PPARGC1A: variants seen among roughly 807,000 people sequenced by gnomAD.
The protein encoded by PPARGC1A is PPARG coactivator 1 alpha.
In PPARGC1A, 25 loss-of-function variants were observed where a neutral mutation model predicts 88.7. The ratio of observed to expected loss-of-function variants is 0.28; its 90% confidence interval spans 0.21 to 0.39. The LOEUF is 0.39. PPARGC1A is among the 10% of genes least tolerant of loss of function. PPARGC1A has a pLI of 1.00. For synonymous variants in PPARGC1A, 363 were observed against 355.6 expected, an observed-to-expected ratio of 1.02 and a Z score of -0.24; for missense variants, 880 against 968.7, an observed-to-expected ratio of 0.91 and a Z score of 1.22.
chr4:24,198,639 T>C, the PPARGC1A span, among the ~76,000 whole-genome samples: 1 of 152,324 alleles, frequency 6.6e-6, no homozygotes, highest in Non-Finnish European at 1.5e-5. Flanking sequence ...CAGCATTCTC[T>C]GTCTTGGGTT....
chr4:24,396,778 C>T, the PPARGC1A span, among the ~76,000 whole-genome samples: 13 of 152,214 alleles, frequency 8.5e-5, no homozygotes, highest in African/African-American at 1.4e-4. Flanking sequence ...TATTCCCTTT[C>T]GGCTTTTTTG....
At chr4:24,350,549 C>A in the PPARGC1A span, among the ~76,000 whole-genome samples, 1 of 152,116 alleles carries the variant, frequency 6.6e-6, no homozygotes, top group African/African-American at 2.4e-5. Flanking sequence ...TAGCTTACAC[C>A]TACTGAACGC....
chr4:23,857,250 A>G (rs970161589), intron 2 of PPARGC1A, among the ~76,000 whole-genome samples: 5 of 151,496 alleles, frequency 3.3e-5, no homozygotes, highest in African/African-American at 1.2e-4. Context: ...ATAAAAGGCA[A>G]CAAGTGCATA....
chr4:24,287,095 T>G, the PPARGC1A span, among the ~76,000 whole-genome samples: 1 of 152,098 alleles, frequency 6.6e-6, no homozygotes, highest in Admixed American at 6.5e-5. Context: ...TCATTTTAGG[T>G]TGGATAATTC....
the PPARGC1A span, among the ~76,000 whole-genome samples, chr4:24,330,884 C>G: frequency 6.6e-6 from 1 of 152,128 alleles, no homozygotes; most frequent in African/African-American, 2.4e-5. Flanking sequence ...GACATAGTCT[C>G]TACTGCTGTT....
chr4:24,167,544 G>T, the PPARGC1A span, among the ~76,000 whole-genome samples: 10 of 151,892 alleles, frequency 6.6e-5, no homozygotes, highest in South Asian at 2.1e-4. Flanking sequence ...AGAACTCCTT[G>T]GTGAAAGGAA....
At chr4:23,802,128 G>T in intron 11 of PPARGC1A, 96 bp downstream of exon 11, 2 of 1,526,652 alleles carry the variant, frequency 1.3e-6, no homozygotes, top group Non-Finnish European at 1.8e-6. Flanking sequence ...ATCTGTCAAA[G>T]CACTTACATT....
the PPARGC1A span, among the ~76,000 whole-genome samples, chr4:24,309,877 G>A: frequency 3.3e-5 from 5 of 152,204 alleles, no homozygotes; most frequent in Admixed American, 6.5e-5. Context: ...GATAATGGTG[G>A]TAAGGGTGAT....
chr4:24,211,260 G>A, the PPARGC1A span, among the ~76,000 whole-genome samples: 6 of 152,212 alleles, frequency 3.9e-5, no homozygotes, highest in South Asian at 2.1e-4. Flanking sequence ...ATATTAAGCC[G>A]TGTGCCCAAA....
chr4:24,472,496 AAAG>A, the PPARGC1A span, among the ~76,000 whole-genome samples: 7 of 152,236 alleles, frequency 4.6e-5, no homozygotes, highest in Non-Finnish European at 8.8e-5. This position sits in a 1 kb window ranked among gnomAD's most constrained non-coding sequence, Gnocchi z 4.5. Context: ...AAAGAAAAAA[AAAG>A]CACACATACA....
the PPARGC1A span, among the ~76,000 whole-genome samples, chr4:24,421,339 C>G: frequency 7.1e-6 from 1 of 140,312 alleles, no homozygotes; most frequent in Admixed American, 7.3e-5. Flanking sequence ...TTAATGGAGT[C>G]TCGCTCTGTC....
At chr4:24,094,539 G>C in the PPARGC1A span, among the ~76,000 whole-genome samples, 3 of 152,126 alleles carry the variant, frequency 2.0e-5, no homozygotes, top group Non-Finnish European at 2.9e-5. Flanking sequence ...TAAAAAGAAA[G>C]AGCAAAGCAT....
chr4:24,395,217 A>G, the PPARGC1A span, among the ~76,000 whole-genome samples: 2,571 of 152,326 alleles, frequency 0.017, 80 homozygotes, highest in African/African-American at 0.059. Flanking sequence ...GACCCTGAGC[A>G]TTTCCCCGCC....
the PPARGC1A span, among the ~76,000 whole-genome samples, chr4:24,225,783 C>A: frequency 6.6e-6 from 1 of 151,908 alleles, no homozygotes; most frequent in African/African-American, 2.4e-5. Flanking sequence ...TCAAGAGTCA[C>A]CCTTGGGAAC....
chr4:24,237,981 G>C, the PPARGC1A span, among the ~76,000 whole-genome samples: 1 of 152,206 alleles, frequency 6.6e-6, no homozygotes, highest in African/African-American at 2.4e-5. Flanking sequence ...TCATGAGATA[G>C]ATAAGTGCTA....
the PPARGC1A span, chr4:24,258,260 C>CA: frequency 6.2e-6 from 6 of 966,282 alleles, no homozygotes; most frequent in South Asian, 9.6e-5. Context: ...CTGATTTTCG[C>CA]AAAAAACCTG....
the PPARGC1A span, among the ~76,000 whole-genome samples, chr4:24,326,945 A>G: frequency 6.6e-6 from 1 of 152,096 alleles, no homozygotes; most frequent in Non-Finnish European, 1.5e-5. Context: ...GTCAGACATA[A>G]TTCCTCAGTT....
At chr4:24,002,529 G>T in the PPARGC1A span, among the ~76,000 whole-genome samples, 1 of 151,440 alleles carries the variant, frequency 6.6e-6, no homozygotes, top group Non-Finnish European at 1.5e-5. Context: ...AGCCGCAAAG[G>T]TTTAAAAAGA....
At chr4:24,161,962 AC>A in the PPARGC1A span, among the ~76,000 whole-genome samples, 1 of 1,116 alleles carries the variant, frequency 9.0e-4, no homozygotes, top group Non-Finnish European at 1.5e-3. Context: ...ATTGTGATAT[AC>A]ACACACACAC....
Sources: allele counts gnomAD v4.1 joint callset (sites outside exome capture counted in the v4.1 genomes callset), GRCh38; gene constraint gnomAD v4.1.1; non-coding constraint Gnocchi (gnomAD v3.1); transcripts MANE v1.5; gene names NCBI Gene and HGNC (gene_info 2026-07-23, HGNC 2026-07-21).